The following ITGAV variants were observed in gnomAD, a reference collection of about 807,000 sequenced individuals.
ITGAV encodes integrin subunit alpha V, also known as integrin alpha-V.
A neutral mutation model predicts 143.8 loss-of-function variants in ITGAV; 76 were observed. The ratio of observed to expected loss-of-function variants is 0.53; its 90% confidence interval spans 0.44 to 0.64. The LOEUF is 0.64. Ranked by LOEUF, ITGAV falls within the 30% of genes least tolerant of loss-of-function variation. The pLI, the probability that ITGAV is intolerant of heterozygous loss-of-function variation, is 0.00. For synonymous variants in ITGAV, 453 were observed against 446.7 expected, an observed-to-expected ratio of 1.01 and a Z score of -0.18; for missense variants, 1,193 against 1,274.7, an observed-to-expected ratio of 0.94 and a Z score of 0.98.
Position 186,602,077 on chromosome 2 carries a change from T to C in ITGAV, c.242T>C (p.Val81Ala). The C allele has an allele frequency of 1.2e-6, 2 of 1,613,518 alleles. No homozygotes were observed. Among genetic ancestry groups the C allele is most frequent in the Non-Finnish European group, 1.7e-6 (2 of 1,179,644 alleles). ...PKANTTQPGI[V>A]EGGQVLKCDW... ...GCAAACACCACCCAGCCTGGGATTG[T>C]GGAAGGAGGGCAGGTCCTCAAATGT... Residue 81 changes from valine to alanine, a missense_variant, in exon 2 of 30, where the codon GTG (valine) becomes GCG (alanine). Coordinates refer to ENST00000261023, the MANE Select transcript of ITGAV (RefSeq NM_002210.5).
At chr2:186,672,243 C>A (rs1440922636) in intron 26 of ITGAV, among the ~76,000 whole-genome samples, 1 of 152,202 alleles carries the variant, frequency 6.6e-6, no homozygotes, top group East Asian at 1.9e-4. Flanking sequence ...AACTACCATG[C>A]CCAGCCAGTA....
intron 21 of ITGAV, 76 bp downstream of exon 21, chr2:186,665,294 T>G (rs1360460718): frequency 1.8e-5 from 17 of 936,972 alleles, no homozygotes; most frequent in Non-Finnish European, 2.5e-5. Context: ...TCATAGTAAT[T>G]TTTAAAAATA....
In ITGAV at chr2:186,678,663, CT is replaced by C; in HGVS notation, c.*1373del. 2.2e-6 allele frequency: 1 copy of C among 451,978 alleles called. No individual in the cohort carries two copies. Among genetic ancestry groups the C allele is most frequent in the Non-Finnish European group, 4.4e-6 (1 of 224,958 alleles). The allele number at this position is 451,978 out of a possible 1,614,324, so 28.0% of individuals were successfully genotyped here. A position where few individuals can be genotyped will look rare whatever the true frequency, so the allele number is the denominator to read the frequency against. On this transcript the variant is annotated 3_prime_UTR_variant, in exon 30 of 30. Coordinates refer to ENST00000261023, the MANE Select transcript of ITGAV (RefSeq NM_002210.5). Reference sequence around the variant, plus strand: ...TATATGGCTCTGTAGAGTGGTGAACCTTCTAGAGGAATATATGATTTATTCA... The same window carrying C: ...TATATGGCTCTGTAGAGTGGTGAACCTCTAGAGGAATATATGATTTATTCA...
At chr2:186,662,027 A>G (rs1688761819) in intron 18 of ITGAV, among the ~76,000 whole-genome samples, 1 of 152,174 alleles carries the variant, frequency 6.6e-6, no homozygotes, top group African/African-American at 2.4e-5. Flanking sequence ...TTTTAATACT[A>G]TGGCTGCTTC....
rs1388923074 is a variant in ITGAV at position 186,627,053 on chromosome 2, C to T, written c.523+1466C>T. 2.0e-5 allele frequency among the ~76,000 whole-genome samples: 3 copies of T among 152,198 alleles called. No individual in the cohort carries two copies. In the East Asian group the frequency reaches 5.8e-4, roughly 29 times the overall value. ...GATGTACACACACACGCAGTACACT[C>T]TTATTTTCATTTGATGCATGTGGGA... is the stretch of plus-strand genomic sequence containing the variant. On this transcript the variant is annotated intron_variant, in intron 4 of 29. Coordinates refer to ENST00000261023, the MANE Select transcript of ITGAV (RefSeq NM_002210.5).
chr2:186,608,278 TG>T (rs1687122107), intron 2 of ITGAV, among the ~76,000 whole-genome samples: 1 of 152,208 alleles, frequency 6.6e-6, no homozygotes, highest in Non-Finnish European at 1.5e-5. Context: ...AAAGTTTAGT[TG>T]AGCCTTAGGA....
At chr2:186,598,770 GT>G (rs1045294732) in intron 1 of ITGAV, among the ~76,000 whole-genome samples, 3 of 152,064 alleles carry the variant, frequency 2.0e-5, no homozygotes, top group African/African-American at 7.2e-5. Context: ...TGAAAACTAA[GT>G]TCATTTTCTA....
chr2:186,670,045 G>T, intron 26 of ITGAV: 1 of 460,054 alleles, frequency 2.2e-6, no homozygotes, highest in East Asian at 4.4e-5. Flanking sequence ...TCCCAACTTT[G>T]ATTCTCCTAC....
intron 20 of ITGAV, 64 bp downstream of exon 20, chr2:186,664,705 G>T (rs1466733789): frequency 6.3e-7 from 1 of 1,584,184 alleles, no homozygotes; most frequent in African/African-American, 1.3e-5. Flanking sequence ...TTAATGAGCT[G>T]TTCCCCTATT....
At chr2:186,624,982 T>C (rs939461664) in intron 3 of ITGAV, among the ~76,000 whole-genome samples, 9 of 152,066 alleles carry the variant, frequency 5.9e-5, no homozygotes, top group Non-Finnish European at 1.3e-4. Flanking sequence ...AAATATGGCC[T>C]TCAGAATAAT....
At chr2:186,600,175 C>T (rs1366901148) in intron 1 of ITGAV, 20 of 622,460 alleles carry the variant, frequency 3.2e-5, no homozygotes, top group East Asian at 2.0e-4. Flanking sequence ...GTGCCACTCC[C>T]GGCTTGTCCC....
At chr2:186,629,143 A>C (rs561672069) in intron 4 of ITGAV, among the ~76,000 whole-genome samples, 1 of 152,122 alleles carries the variant, frequency 6.6e-6, no homozygotes, top group South Asian at 2.1e-4. Context: ...TATAATTACC[A>C]GACTTAACAA....
At chr2:186,591,131 ATGAAT>A (rs1386973860) in intron 1 of ITGAV, among the ~76,000 whole-genome samples, 4 of 152,358 alleles carry the variant, frequency 2.6e-5, no homozygotes, top group East Asian at 1.9e-4. Flanking sequence ...GGTTGAACAG[ATGAAT>A]TGAATGTGTC....
chr2:186,655,140 A>G (rs931525014), intron 16 of ITGAV, among the ~76,000 whole-genome samples: 1 of 152,162 alleles, frequency 6.6e-6, no homozygotes, highest in Non-Finnish European at 1.5e-5. Flanking sequence ...TTGGTCATGC[A>G]ATTTAATTCA....
chr2:186,607,720 T>C (rs1196334308), intron 2 of ITGAV, among the ~76,000 whole-genome samples: 6 of 152,194 alleles, frequency 3.9e-5, no homozygotes, highest in Non-Finnish European at 5.9e-5. Context: ...TGCTGGAAAA[T>C]GGTTATTAAA....
At chr2:186,600,523 C>G in intron 1 of ITGAV, 1 of 1,156,258 alleles carries the variant, frequency 8.6e-7, no homozygotes, top group South Asian at 1.6e-5. Context: ...GATAACTGCT[C>G]TGTCTAAAGA....
At position 186,641,391 on chromosome 2, in the gene ITGAV, C is replaced by T. The variant is rs768606575; in HGVS notation, c.962C>T (p.Ala321Val). The change falls in exon 12 of 30, where the codon GCA becomes GTA. Residue 321 changes from alanine to valine, a missense_variant. Coordinates refer to ENST00000261023, the MANE Select transcript of ITGAV (RefSeq NM_002210.5). ...AGAAGTTTCTGTTCTTCTAGTTATGCAGATGTGTTTATTGGAGCACCTCTC... is the reference window on the plus strand; with the variant it reads ...AGAAGTTTCTGTTCTTCTAGTTATGTAGATGTGTTTATTGGAGCACCTCTC... ...AATDINGDDY[A>V]DVFIGAPLFM... is the part of the protein sequence containing the mutation. 6.2e-7 allele frequency: 1 copy of T among 1,613,054 alleles called. No individual in the cohort carries two copies. The highest frequency in any genetic ancestry group is 8.5e-7 in the Non-Finnish European group (1 of 1,179,032).
Position 186,657,386 on chromosome 2 carries a change from A to G in ITGAV, c.1719+985A>G, listed in dbSNP as rs541533483. On this transcript the variant is annotated intron_variant, in intron 17 of 29. Coordinates refer to ENST00000261023, the MANE Select transcript of ITGAV (RefSeq NM_002210.5). ...ATAAAGGAAGTCTAAACAAATTTCA[A>G]AAAGTAATTTTATAGAATACATACT... 5.3e-5 allele frequency among the ~76,000 whole-genome samples: 8 copies of G among 152,372 alleles called. No individual in the cohort carries two copies. In the East Asian group the frequency reaches 1.5e-3, roughly 29 times the overall value.
intron 2 of ITGAV, among the ~76,000 whole-genome samples, chr2:186,610,132 A>T (rs184808684): frequency 6.6e-6 from 1 of 152,178 alleles, no homozygotes; most frequent in African/African-American, 2.4e-5. Context: ...TAGAAGTTAC[A>T]TGAAATAATG....
Sources: gnomAD v4.1 joint callset for allele counts (sites outside exome capture counted in the v4.1 genomes callset) on GRCh38, gnomAD v4.1.1 for gene constraint, MANE v1.5 for transcripts, NCBI Gene and HGNC (gene_info 2026-07-23, HGNC 2026-07-21) for gene names.